GLYR1: variants seen among roughly 807,000 people sequenced by gnomAD.
GLYR1 encodes the protein cytokine-like nuclear factor N-PAC.
A neutral mutation model predicts 72.7 loss-of-function variants in GLYR1; 21 were observed. The observed-to-expected ratio is 0.29, with a 90% confidence interval of 0.20 to 0.42. The LOEUF (loss-of-function observed/expected upper bound fraction) is 0.42. Among genes scored for constraint, GLYR1 ranks in the 10% least tolerant of loss-of-function variants. GLYR1 has a pLI of 1.00. For synonymous variants in GLYR1, 392 were observed against 270.2 expected (o/e 1.45, Z -4.42); for missense variants, 594 against 712.1 (o/e 0.83, Z 1.89).
At chr16:4,825,486 C>A (rs2084321462) in intron 5 of GLYR1, among the ~76,000 whole-genome samples, 1 of 152,212 alleles carries the variant, frequency 6.6e-6, no homozygotes. Flanking sequence ...AGTGGCTTCA[C>A]CTGACCTCTT....
intron 15 of GLYR1, among the ~76,000 whole-genome samples, chr16:4,805,766 A>G (rs1252128057): frequency 6.6e-6 from 1 of 152,114 alleles, no homozygotes; most frequent in African/African-American, 2.4e-5. Flanking sequence ...TCACGAGGTC[A>G]GGAGATCAAG....
At chr16:4,825,710 G>A (rs1465223557) in intron 5 of GLYR1, among the ~76,000 whole-genome samples, 1 of 151,658 alleles carries the variant, frequency 6.6e-6, no homozygotes, top group East Asian at 1.9e-4. Flanking sequence ...GCAGTGCAGT[G>A]GCACAATCTT....
chr16:4,825,218 T>C (rs942088684), intron 5 of GLYR1, among the ~76,000 whole-genome samples: 2 of 152,242 alleles, frequency 1.3e-5, no homozygotes, highest in Non-Finnish European at 2.9e-5. Context: ...ACGGGCTTCA[T>C]GAGCATGGTC....
At chr16:4,832,478 A>G (rs777385165) in intron 4 of GLYR1, 2 of 584,432 alleles carry the variant, frequency 3.4e-6, no homozygotes, top group East Asian at 5.9e-5. Context: ...TTCAGAGGCT[A>G]TGCTCCTAAT....
intron 3 of GLYR1, among the ~76,000 whole-genome samples, chr16:4,838,056 C>T (rs974448605): frequency 6.6e-6 from 1 of 151,992 alleles, no homozygotes; most frequent in African/African-American, 2.4e-5. Flanking sequence ...TTGGTGAATA[C>T]TTAGTAAACA....
At chr16:4,813,948 T>G in intron 11 of GLYR1, 110 bp from the exon 12 acceptor site, 1 of 751,940 alleles carries the variant, frequency 1.3e-6, no homozygotes, top group Non-Finnish European at 2.1e-6. Context: ...TTTCCTGATT[T>G]CTATCAGCTG....
chr16:4,844,116 A>T (rs1449600653), intron 3 of GLYR1, among the ~76,000 whole-genome samples: 1 of 149,962 alleles, frequency 6.7e-6, no homozygotes, highest in Non-Finnish European at 1.5e-5. Flanking sequence ...TCCATCTCAA[A>T]AAAAAAAAAA....
At chr16:4,832,251 A>T in intron 4 of GLYR1, 30 bp from the exon 5 acceptor site, 1 of 1,611,334 alleles carries the variant, frequency 6.2e-7, no homozygotes, top group Non-Finnish European at 8.5e-7. Flanking sequence ...AATGATAACT[A>T]CCACCACAGC....
Position 4,811,780 on chromosome 16 carries a change from C to G in GLYR1, c.1305G>C (p.Lys435Asn). The change falls in exon 14 of 16, where the codon AAG becomes AAC. Residue 435 changes from lysine to asparagine, a missense_variant. Around this residue, in one of 5 missense-constraint regions of GLYR1, gnomAD observed 266 missense variants for 358.4 expected, o/e 0.74. Coordinates refer to ENST00000321919, the MANE Select transcript of GLYR1 (RefSeq NM_032569.4). The part of the protein sequence containing the change: ...FFLGEVGNAA[K>N]MMLIVNMVQG... ...GGACCATGTTCACGATCAGCATCAT[C>G]TTGGCTGCATTGCCCACTTCACCTG... is the stretch of plus-strand genomic sequence containing the variant. 1.2e-6 allele frequency: 2 copies of G among 1,613,740 alleles called. No individual in the cohort carries two copies. Among genetic ancestry groups the G allele is most frequent in the Non-Finnish European group, 1.7e-6 (2 of 1,179,836 alleles).
intron 3 of GLYR1, 51 bp from the exon 4 acceptor site, chr16:4,832,963 A>G (rs1183227099): frequency 9.2e-6 from 14 of 1,517,688 alleles, no homozygotes; most frequent in South Asian, 2.7e-5. Flanking sequence ...CATATGCCCT[A>G]AAGTATCAAC....
At chr16:4,810,698 C>CAAAAA (rs1288961717) in intron 15 of GLYR1, among the ~76,000 whole-genome samples, 1 of 17,644 alleles carries the variant, frequency 5.7e-5, no homozygotes, top group Non-Finnish European at 1.1e-4. Flanking sequence ...CCTGTCTCTA[C>CAAAAA]TAAAAAAAAA....
At chr16:4,833,012 A>G in intron 3 of GLYR1, 100 bp from the exon 4 acceptor site, 1 of 1,195,960 alleles carries the variant, frequency 8.4e-7, no homozygotes. Flanking sequence ...CATTTGGTTT[A>G]ACTGGACTTT....
Position 4,828,406 on chromosome 16 carries a change from A to G in GLYR1, c.537+3573T>C, listed in dbSNP as rs149063001. Among the ~76,000 whole-genome samples the G allele has an allele frequency of 2.2e-3, 337 of 152,202 alleles. 4 individuals carry two copies. Among genetic ancestry groups the G allele is most frequent in the African/African-American group, 7.8e-3 (323 of 41,548 alleles). On this transcript the variant is annotated intron_variant, in intron 5 of 15. Transcript: ENST00000321919. ...TTTTAAAAAGACATATTGCTATTGTACCACTTAATAGACTACAGTATAAAC... is the reference window on the plus strand; with the variant it reads ...TTTTAAAAAGACATATTGCTATTGTGCCACTTAATAGACTACAGTATAAAC...
At chr16:4,812,962 A>G (rs1052656276) in intron 12 of GLYR1, among the ~76,000 whole-genome samples, 9 of 115,106 alleles carry the variant, frequency 7.8e-5, no homozygotes, top group African/African-American at 2.5e-4. Flanking sequence ...ATGCCTGGCT[A>G]ATTTTTTTTT....
intron 5 of GLYR1, among the ~76,000 whole-genome samples, chr16:4,829,413 C>A (rs1011818815): frequency 6.6e-6 from 1 of 151,664 alleles, no homozygotes; most frequent in Non-Finnish European, 1.5e-5. Context: ...TCAAGTGATC[C>A]TCCCACCCCA....
At chr16:4,816,347 T>C (rs1033864215) in intron 10 of GLYR1, among the ~76,000 whole-genome samples, 3 of 152,092 alleles carry the variant, frequency 2.0e-5, no homozygotes, top group Non-Finnish European at 2.9e-5. Context: ...AGTCTCATGT[T>C]GTCCAGGCTG....
At chr16:4,846,921 G>C (rs911062028) in intron 1 of GLYR1, 2 of 443,948 alleles carry the variant, frequency 4.5e-6, no homozygotes, top group Non-Finnish European at 8.0e-6. Context: ...CCGGTCGTCC[G>C]GGGAAGCCTC....
intron 1 of GLYR1, 144 bp downstream of exon 1, chr16:4,847,084 C>T: frequency 1.3e-6 from 1 of 766,140 alleles, no homozygotes; most frequent in Non-Finnish European, 2.1e-6. Flanking sequence ...CGCCTGGCGC[C>T]GCTCGCAAGC....
At chr16:4,824,614 A>G (rs1369153319) in intron 5 of GLYR1, among the ~76,000 whole-genome samples, 3 of 152,236 alleles carry the variant, frequency 2.0e-5, no homozygotes, top group African/African-American at 4.8e-5. Context: ...CACATTTTAC[A>G]GCTATCATGA....
Sources: gnomAD v4.1 joint callset for allele counts (sites outside exome capture counted in the v4.1 genomes callset) on GRCh38, gnomAD v4.1.1 for gene constraint, gnomAD v4.1.1 regional missense constraint, MANE v1.5 for transcripts, NCBI Gene and HGNC (gene_info 2026-07-23, HGNC 2026-07-21) for gene names.